Variants in PRR5 observed in about 807,000 individuals in gnomAD.
PRR5 encodes the protein proline rich 5.
A neutral mutation model predicts 30.6 loss-of-function variants in PRR5; 25 were observed. That is an observed-to-expected ratio of 0.82 (90% CI 0.60 to 1.14). The LOEUF (loss-of-function observed/expected upper bound fraction) is 1.14, where lower values mean the gene tolerates loss of function less well. PRR5 is among the 50% of genes most tolerant of loss of function. PRR5 has a pLI of 0.00. For missense variants in PRR5, 600 were observed against 547.1 expected (o/e 1.10, Z -0.96); for synonymous variants, 286 against 247.1 (o/e 1.16, Z -1.48).
intron 1 of PRR5, among the ~76,000 whole-genome samples, chr22:44,709,851 C>CA (rs200075950): frequency 0.033 from 5,031 of 152,070 alleles, 152 homozygotes; most frequent in African/African-American, 0.073. Context: ...GACTCCATCT[C>CA]AAAAAAACAA....
intron 2 of PRR5, among the ~76,000 whole-genome samples, chr22:44,724,230 G>A (rs563254488): frequency 1.3e-5 from 2 of 152,280 alleles, no homozygotes; most frequent in East Asian, 3.9e-4. Flanking sequence ...GAGGTCAGGA[G>A]TTCGAGACCA....
chr22:44,715,881 C>T (rs1928979253), intron 2 of PRR5, among the ~76,000 whole-genome samples: 1 of 152,208 alleles, frequency 6.6e-6, no homozygotes, highest in African/African-American at 2.4e-5. Flanking sequence ...CTCCTGGGCT[C>T]AAGCCATCCT....
intron 1 of PRR5, among the ~76,000 whole-genome samples, chr22:44,697,158 G>A (rs773778081): frequency 3.3e-5 from 5 of 152,154 alleles, no homozygotes; most frequent in South Asian, 2.1e-4. Context: ...TTCCCCAGTC[G>A]TGAAATGGGA....
At chr22:44,689,822 T>G (rs774054706) in intron 1 of PRR5, among the ~76,000 whole-genome samples, 3 of 152,192 alleles carry the variant, frequency 2.0e-5, no homozygotes, top group Non-Finnish European at 4.4e-5. Flanking sequence ...CTAATTTTTG[T>G]ATTTTTAGTA....
intron 1 of PRR5, among the ~76,000 whole-genome samples, chr22:44,708,966 CAAAAAAAAAA>C (rs60854330): frequency 8.2e-4 from 53 of 64,422 alleles, no homozygotes; most frequent in East Asian, 2.5e-3. Context: ...GACTCTGTCT[CAAAAAAAAAA>C]AAAAAAAAAA....
chr22:44,707,108 T>TCCTC (rs1177758735), intron 1 of PRR5, among the ~76,000 whole-genome samples: 1 of 152,064 alleles, frequency 6.6e-6, no homozygotes, highest in Non-Finnish European at 1.5e-5. Flanking sequence ...CTTCCTTCCT[T>TCCTC]CCTCCCTCCT....
chr22:44,702,573 G>A lies in PRR5; in HGVS notation c.99G>A (p.Gln33=), dbSNP rs1225142340. The A allele has an allele frequency of 2.8e-6, 4 of 1,410,280 alleles. No homozygotes were observed. Among genetic ancestry groups the A allele is most frequent in the Non-Finnish European group, 9.3e-7 (1 of 1,080,286 alleles). 87.4% of individuals were successfully genotyped at this position (1,410,280 alleles called of 1,614,324 possible). ...CCGCCGCGGACGAGCGGGGCACGCA[G>A]CAGCGCCGGGCCTGCGCCAACGCCA... The part of the protein sequence containing the change: ...PAAAADERGT[Q]QRRACANATW... Residue 33 remains glutamine (Q), a synonymous_variant, in exon 1 of 8, where the codon CAG becomes CAA. Coordinates refer to ENST00000336985, the MANE Select transcript of PRR5 (RefSeq NM_181333.4).
At chr22:44,726,022 C>T (rs1282781608) in intron 3 of PRR5, among the ~76,000 whole-genome samples, 4 of 152,236 alleles carry the variant, frequency 2.6e-5, no homozygotes, top group Non-Finnish European at 5.9e-5. Flanking sequence ...TGTCTGGACT[C>T]TTTCTCTTAG....
intron 6 of PRR5, among the ~76,000 whole-genome samples, chr22:44,732,972 C>CT (rs1922472015): frequency 6.7e-6 from 1 of 150,348 alleles, no homozygotes; most frequent in African/African-American, 2.5e-5. Flanking sequence ...CACACGCATA[C>CT]ACACTACACA....
At chr22:44,711,148 G>A (rs1205350512) in intron 1 of PRR5, among the ~76,000 whole-genome samples, 5 of 152,202 alleles carry the variant, frequency 3.3e-5, no homozygotes, top group East Asian at 1.9e-4. Context: ...CATGGCGTTC[G>A]CGGGCAGGTG....
At chr22:44,682,270 G>C (rs946739538) in intron 1 of PRR5, among the ~76,000 whole-genome samples, 3 of 152,242 alleles carry the variant, frequency 2.0e-5, no homozygotes, top group Non-Finnish European at 4.4e-5. Context: ...CACGGTCACT[G>C]AGCTCAGGTG....
In PRR5 at chr22:44,726,571, C is replaced by T; in HGVS notation, c.265-6C>T. ...GCGGTGACAGCCCCTCTGTGTTTAC[C>T]TTCAGAACCAGCTGCTGACAAAAGG... On this transcript the variant is annotated splice_region_variant and splice_polypyrimidine_tract_variant and intron_variant, in intron 3 of 7. Coordinates refer to ENST00000336985, the MANE Select transcript of PRR5 (RefSeq NM_181333.4). 6.2e-7 allele frequency: 1 copy of T among 1,614,086 alleles called. No individual in the cohort carries two copies.
intron 4 of PRR5, 89 bp from the exon 5 acceptor site, chr22:44,731,641 T>C (rs1230332861): frequency 1.5e-6 from 2 of 1,353,024 alleles, no homozygotes; most frequent in African/African-American, 2.9e-5. Context: ...GGCCCTCCAC[T>C]CCCGCATCCT....
chr22:44,700,943 C>T (rs1926211929), upstream of PRR5, among the ~76,000 whole-genome samples: 2 of 152,084 alleles, frequency 1.3e-5, no homozygotes, highest in African/African-American at 4.8e-5. Flanking sequence ...AGTGCAGTGG[C>T]GAGATCTCAG....
Position 44,702,631 on chromosome 22 carries a change from A to G in PRR5, c.134+23A>G, listed in dbSNP as rs1022059824. 1.1e-5 allele frequency: 14 copies of G among 1,270,844 alleles called. No individual in the cohort carries two copies. In the Admixed American group the frequency reaches 3.4e-4, roughly 31 times the overall value. 78.7% of individuals were successfully genotyped at this position (1,270,844 alleles called of 1,614,324 possible). On this transcript the variant is annotated intron_variant, in intron 1 of 7. Coordinates refer to ENST00000336985, the MANE Select transcript of PRR5 (RefSeq NM_181333.4). The stretch of plus-strand genomic sequence containing the variant: ...CAGGTAAGGCCGCGCCCTCCCGGCC[A>G]CCCGGAGGCCCTGGAGCCGGGGGAG...
At chr22:44,696,572 G>A (rs995613962) in intron 1 of PRR5, among the ~76,000 whole-genome samples, 3 of 152,114 alleles carry the variant, frequency 2.0e-5, no homozygotes, top group Admixed American at 1.3e-4. Context: ...AGGAGGGCAC[G>A]TGTCTTGGGT....
intron 2 of PRR5, 106 bp downstream of exon 2, chr22:44,714,777 C>A: frequency 7.0e-7 from 1 of 1,424,594 alleles, no homozygotes; most frequent in Non-Finnish European, 9.6e-7. Flanking sequence ...CACGCCTGTG[C>A]TTCCTCCCCT....
chr22:44,673,409 C>T (rs1419987545), upstream of PRR5, among the ~76,000 whole-genome samples: 5 of 152,238 alleles, frequency 3.3e-5, no homozygotes, highest in Non-Finnish European at 7.3e-5. Flanking sequence ...CACTGGACAG[C>T]GTCTTAGAAG....
chr22:44,676,316 G>A (rs921806146), upstream of PRR5, among the ~76,000 whole-genome samples: 1 of 147,790 alleles, frequency 6.8e-6, no homozygotes, highest in Non-Finnish European at 1.5e-5. Context: ...ACCTGAGCCC[G>A]GGAGGTCAAG....
Sources: gnomAD v4.1 joint callset for allele counts (sites outside exome capture counted in the v4.1 genomes callset) on GRCh38, gnomAD v4.1.1 for gene constraint, MANE v1.5 for transcripts, NCBI Gene and HGNC (gene_info 2026-07-23, HGNC 2026-07-21) for gene names.